The following HS6ST3 variants were observed in gnomAD, a reference collection of about 807,000 sequenced individuals.
HS6ST3 encodes the protein heparan sulfate 6-O-sulfotransferase 3.
HS6ST3 carries 12 observed loss-of-function variants against 36.7 expected under a neutral mutation model. That is an observed-to-expected ratio of 0.33 (90% CI 0.21 to 0.53). The LOEUF (loss-of-function observed/expected upper bound fraction) is 0.53, where lower values mean the gene tolerates loss of function less well. Among genes scored for constraint, HS6ST3 ranks in the 20% least tolerant of loss-of-function variants. The pLI, the probability that HS6ST3 is intolerant of heterozygous loss-of-function variation, is 0.95. For missense variants in HS6ST3, 584 were observed against 640.9 expected, an observed-to-expected ratio of 0.91 and a Z score of 0.96; for synonymous variants, 240 against 257.5, an observed-to-expected ratio of 0.93 and a Z score of 0.65.
intron 1 of HS6ST3, among the ~76,000 whole-genome samples, chr13:96,633,646 C>T (rs1182556128): frequency 6.6e-6 from 1 of 152,118 alleles, no homozygotes; most frequent in Non-Finnish European, 1.5e-5. Context: ...TTGTTGGCCA[C>T]CTGTTACCCC....
In HS6ST3 at chr13:96,199,157, AT is replaced by A. The variant is rs1365738520; in HGVS notation, c.707+107589del. Among the ~76,000 whole-genome samples, 12 of 152,172 alleles carry A rather than the reference AT, an allele frequency of 7.9e-5. No homozygotes were observed. The East Asian group carries it at 2.3e-3, about 29-fold the overall frequency. On this transcript the variant is annotated intron_variant, in intron 1 of 1. Coordinates refer to ENST00000376705, the MANE Select transcript of HS6ST3 (RefSeq NM_153456.4). ...CCATGATGCAGTTACCTCCTCCTAG[AT>A]CCCTCCCACAACATGTGAGAATTCT...
At chr13:96,562,116 T>C (rs1203953008) in intron 1 of HS6ST3, among the ~76,000 whole-genome samples, 2 of 152,102 alleles carry the variant, frequency 1.3e-5, no homozygotes, top group Non-Finnish European at 2.9e-5. Context: ...AGCAAAGACA[T>C]GGAATCAACT....
At chr13:96,627,323 G>C (rs1456790777) in intron 1 of HS6ST3, among the ~76,000 whole-genome samples, 1 of 151,946 alleles carries the variant, frequency 6.6e-6, no homozygotes, top group Admixed American at 6.6e-5. Flanking sequence ...GAAATGATAA[G>C]TTAGAGTAAT....
At chr13:96,701,566 C>T (rs1875285648) in intron 1 of HS6ST3, among the ~76,000 whole-genome samples, 2 of 152,126 alleles carry the variant, frequency 1.3e-5, no homozygotes, top group South Asian at 4.1e-4. Context: ...ATACTTAGAG[C>T]ACTTTCCTGT....
At chr13:96,347,994 C>A (rs999100152) in intron 1 of HS6ST3, among the ~76,000 whole-genome samples, 3 of 152,214 alleles carry the variant, frequency 2.0e-5, no homozygotes, top group African/African-American at 7.2e-5. Flanking sequence ...ACCTAGCACA[C>A]TCTTTGGCAT....
At chr13:96,662,197 T>C (rs1434162019) in intron 1 of HS6ST3, among the ~76,000 whole-genome samples, 1 of 152,136 alleles carries the variant, frequency 6.6e-6, no homozygotes, top group Non-Finnish European at 1.5e-5. Flanking sequence ...CTTTCCAAAC[T>C]TTTTCCTTTT....
chr13:96,146,530 G>A (rs891847081), intron 1 of HS6ST3, among the ~76,000 whole-genome samples: 5 of 152,138 alleles, frequency 3.3e-5, no homozygotes, highest in African/African-American at 1.2e-4. Context: ...GAATATATTA[G>A]AAAACCCTGA....
intron 1 of HS6ST3, among the ~76,000 whole-genome samples, chr13:96,565,317 A>G (rs1226182251): frequency 6.6e-6 from 1 of 152,102 alleles, no homozygotes. Flanking sequence ...GATACTAATG[A>G]GGAGTGATCC....
chr13:96,593,206 T>C (rs1594814153), intron 1 of HS6ST3, among the ~76,000 whole-genome samples: 2 of 99,472 alleles, frequency 2.0e-5, no homozygotes, highest in African/African-American at 3.8e-5. Flanking sequence ...TTTTTTGAGA[T>C]GGAGTCTTGC....
chr13:96,786,350 T>A (rs1348242550), intron 1 of HS6ST3, among the ~76,000 whole-genome samples: 1 of 152,182 alleles, frequency 6.6e-6, no homozygotes, highest in Non-Finnish European at 1.5e-5. Flanking sequence ...GGTCTATAAT[T>A]ACATTTATTT....
intron 1 of HS6ST3, among the ~76,000 whole-genome samples, chr13:96,175,886 G>A (rs758213617): frequency 5.3e-5 from 8 of 151,294 alleles, no homozygotes; most frequent in East Asian, 3.9e-4. Context: ...CCAGGCTGGC[G>A]TGCAGTGGTG....
intron 1 of HS6ST3, among the ~76,000 whole-genome samples, chr13:96,251,140 A>G: frequency 6.6e-6 from 1 of 152,138 alleles, no homozygotes; most frequent in Non-Finnish European, 1.5e-5. Context: ...ATTTCTTTGG[A>G]AGCGTTTTAG....
intron 1 of HS6ST3, among the ~76,000 whole-genome samples, chr13:96,102,021 G>C (rs2053820750): frequency 6.6e-6 from 1 of 152,184 alleles, no homozygotes; most frequent in African/African-American, 2.4e-5. Flanking sequence ...TCTAAGGAAT[G>C]TGCACTTTGT....
rs561099683 is a variant in HS6ST3 at position 96,197,325 on chromosome 13, A to G, written c.707+105756A>G. ...TCAGATCTTGTGGGACTTAATCACT[A>G]TCGTGAGAATAGCACAGGAAAGACA... is the stretch of plus-strand genomic sequence containing the variant. On this transcript the variant is annotated intron_variant, in intron 1 of 1. Transcript: ENST00000376705. 3.3e-5 allele frequency among the ~76,000 whole-genome samples: 5 copies of G among 152,284 alleles called. No homozygotes were observed. The East Asian group carries it at 5.8e-4, about 18-fold the overall frequency.
chr13:96,767,259 A>T (rs145752879), intron 1 of HS6ST3, among the ~76,000 whole-genome samples: 43 of 152,328 alleles, frequency 2.8e-4, no homozygotes, highest in African/African-American at 9.9e-4. Flanking sequence ...TCTATAACAC[A>T]ATGTGACTAA....
intron 1 of HS6ST3, among the ~76,000 whole-genome samples, chr13:96,251,363 A>G (rs1374135385): frequency 2.0e-5 from 3 of 152,034 alleles, no homozygotes; most frequent in Non-Finnish European, 4.4e-5. Context: ...AGGTTATCCA[A>G]TTTGTATATG....
In HS6ST3 at chr13:96,118,771, C is replaced by T. The variant is rs539531621; in HGVS notation, c.707+27202C>T. 3.7e-3 allele frequency among the ~76,000 whole-genome samples: 474 copies of T among 126,682 alleles called. 1 individual carries two copies. The highest frequency in any genetic ancestry group is 6.4e-3 in the Non-Finnish European group (402 of 63,156). 83.1% of individuals were successfully genotyped at this position (126,682 alleles called of 152,430 possible). ...CAGGCCGGACTGCGGACTGCAGTGG[C>T]GCAATCTCGGCTCACTGCAAGCTCC... On this transcript the variant is annotated intron_variant, in intron 1 of 1. Coordinates refer to ENST00000376705, the MANE Select transcript of HS6ST3 (RefSeq NM_153456.4).
At chr13:96,186,103 C>T (rs1469598822) in intron 1 of HS6ST3, among the ~76,000 whole-genome samples, 1 of 152,056 alleles carries the variant, frequency 6.6e-6, no homozygotes, top group Non-Finnish European at 1.5e-5. Context: ...TGTATATGTA[C>T]ATTATAAACA....
chr13:96,486,726 T>C (rs539588097), intron 1 of HS6ST3, among the ~76,000 whole-genome samples: 1 of 152,292 alleles, frequency 6.6e-6, no homozygotes, highest in African/African-American at 2.4e-5. Flanking sequence ...CGTTTTTTTC[T>C]TGTAAATTTA....
Sources: allele counts gnomAD v4.1 joint callset (sites outside exome capture counted in the v4.1 genomes callset), GRCh38; gene constraint gnomAD v4.1.1; transcripts MANE v1.5; gene names NCBI Gene and HGNC (gene_info 2026-07-23, HGNC 2026-07-21).